Variants in TMEM132D observed in about 807,000 individuals in gnomAD.
The protein encoded by TMEM132D is mature OL transmembrane protein.
In TMEM132D, 21 loss-of-function variants were observed where a neutral mutation model predicts 62.3. The observed-to-expected ratio is 0.34, with a 90% confidence interval of 0.24 to 0.49. TMEM132D has a LOEUF of 0.49. TMEM132D is among the 20% of genes least tolerant of loss of function. The probability of loss-of-function intolerance (pLI) is 0.99; values close to 1 mark genes in which losing one functional copy is unlikely to be tolerated. For synonymous variants in TMEM132D, 621 were observed against 575.6 expected (o/e 1.08, Z -1.13); for missense variants, 1,346 against 1,402.8 (o/e 0.96, Z 0.65).
At chr12:129,377,359 C>T (rs2135684606) in intron 3 of TMEM132D, among the ~76,000 whole-genome samples, 1 of 152,210 alleles carries the variant, frequency 6.6e-6, no homozygotes, top group East Asian at 1.9e-4. Context: ...CCCAAGCAGA[C>T]TCATACAGAA....
intron 1 of TMEM132D, among the ~76,000 whole-genome samples, chr12:129,710,089 T>C (rs1361115713): frequency 1.3e-5 from 2 of 152,256 alleles, no homozygotes; most frequent in East Asian, 3.9e-4. Context: ...ATTTCAGAGA[T>C]AGCACGTATG....
intron 3 of TMEM132D, among the ~76,000 whole-genome samples, chr12:129,394,121 G>T (rs1045022410): frequency 6.6e-6 from 1 of 152,156 alleles, no homozygotes; most frequent in Non-Finnish European, 1.5e-5. Flanking sequence ...ACGTTTTTCA[G>T]CAACAGGCGG....
At chr12:129,862,379 AG>A (rs1423756365) in intron 1 of TMEM132D, among the ~76,000 whole-genome samples, 2 of 152,230 alleles carry the variant, frequency 1.3e-5, no homozygotes, top group Non-Finnish European at 2.9e-5. Flanking sequence ...CCCAGCCTTC[AG>A]GAGCCAAGAG....
intron 5 of TMEM132D, among the ~76,000 whole-genome samples, chr12:129,144,851 T>A (rs370376682): frequency 6.6e-6 from 1 of 152,174 alleles, no homozygotes; most frequent in South Asian, 2.1e-4. Context: ...TATGTATATA[T>A]CTATCATTCA....
chr12:129,750,370 C>T (rs1246768184), intron 1 of TMEM132D, among the ~76,000 whole-genome samples: 2 of 152,208 alleles, frequency 1.3e-5, no homozygotes, highest in Non-Finnish European at 2.9e-5. Flanking sequence ...CAGGCGTGAG[C>T]TACCGCGCCC....
chr12:129,425,945 A>G (rs1286777924), intron 3 of TMEM132D, among the ~76,000 whole-genome samples: 2 of 152,352 alleles, frequency 1.3e-5, no homozygotes, highest in Admixed American at 1.3e-4. Flanking sequence ...GCAGGACAAT[A>G]TGACAAATGG....
chr12:129,827,709 G>A lies in TMEM132D; in HGVS notation c.79+75552C>T, dbSNP rs1333611563. On this transcript the variant is annotated intron_variant, in intron 1 of 8. Coordinates refer to ENST00000422113, the MANE Select transcript of TMEM132D (RefSeq NM_133448.3). This position sits in a 1 kb window ranked among gnomAD's most constrained non-coding sequence, Gnocchi z 9.7. Reference sequence around the variant, plus strand: ...CAAGTGTAAAAAGGTGTCTGAGGAAGTTCTTGTTTGTCACTGGAAGTTAAT... The same window carrying A: ...CAAGTGTAAAAAGGTGTCTGAGGAAATTCTTGTTTGTCACTGGAAGTTAAT... Among the ~76,000 whole-genome samples, 2 of 152,182 alleles carry A rather than the reference G, an allele frequency of 1.3e-5. No homozygotes were observed. The highest frequency in any genetic ancestry group is 6.5e-5 in the Admixed American group (1 of 15,278).
At chr12:129,805,791 C>T (rs1871961059) in intron 1 of TMEM132D, among the ~76,000 whole-genome samples, 1 of 145,872 alleles carries the variant, frequency 6.9e-6, no homozygotes, top group African/African-American at 2.6e-5. Flanking sequence ...GCAACCTACT[C>T]ATCTGACAAA....
rs188192965 is a variant in TMEM132D at position 129,252,603 on chromosome 12, C to G, written c.1300-42940G>C. Among the ~76,000 whole-genome samples the G allele has an allele frequency of 3.7e-3, 571 of 152,310 alleles. 2 individuals are homozygous for G. The highest frequency in any genetic ancestry group is 6.9e-3 in the Non-Finnish European group (468 of 68,026). On this transcript the variant is annotated intron_variant, in intron 4 of 8. Transcript: ENST00000422113. ...TTTACACTGTTGGTGGGACTGTAAA[C>G]TAGTTCGACCATTGTGGAAGTCAGT...
At chr12:129,814,427 G>A (rs1313175998) in intron 1 of TMEM132D, among the ~76,000 whole-genome samples, 2 of 151,922 alleles carry the variant, frequency 1.3e-5, no homozygotes, top group African/African-American at 4.8e-5. Context: ...TGACCAACAT[G>A]TAGAAACCCT....
At chr12:129,767,988 A>G (rs1031253367) in intron 1 of TMEM132D, among the ~76,000 whole-genome samples, 71 of 149,638 alleles carry the variant, frequency 4.7e-4, no homozygotes, top group East Asian at 4.4e-3. Context: ...TTCCCTTTAT[A>G]AAAGCATCAG....
At chr12:129,655,824 C>G (rs989272848) in intron 2 of TMEM132D, among the ~76,000 whole-genome samples, 1 of 152,136 alleles carries the variant, frequency 6.6e-6, no homozygotes. Flanking sequence ...TTGGATAATG[C>G]TATATTATGA....
intron 2 of TMEM132D, among the ~76,000 whole-genome samples, chr12:129,687,266 G>A (rs545017199): frequency 2.6e-5 from 4 of 152,136 alleles, no homozygotes; most frequent in African/African-American, 7.2e-5. Context: ...ATGTGAGGTC[G>A]AATGTATGCA....
rs776229461 is a variant in TMEM132D at position 129,084,713 on chromosome 12, G to A, written c.1444-11C>T. ...ACATCTGTCAGAAACCTGTGAAGAG[G>A]TGAGAGAGAAAAGGGGAGGGAAAGG... On this transcript the variant is annotated splice_polypyrimidine_tract_variant and intron_variant, in intron 5 of 8. Coordinates refer to ENST00000422113, the MANE Select transcript of TMEM132D (RefSeq NM_133448.3). The A allele has an allele frequency of 6.8e-6, 11 of 1,613,208 alleles. No individual in the cohort carries two copies. Among genetic ancestry groups the A allele is most frequent in the Non-Finnish European group, 9.3e-6 (11 of 1,179,576 alleles).
intron 1 of TMEM132D, among the ~76,000 whole-genome samples, chr12:129,799,233 C>G (rs547560639): frequency 1.7e-4 from 26 of 152,180 alleles, no homozygotes; most frequent in Admixed American, 1.6e-3. Context: ...CCACTGCACT[C>G]CAGCCTGGGC....
intron 3 of TMEM132D, among the ~76,000 whole-genome samples, chr12:129,440,763 G>A (rs772961552): frequency 4.0e-5 from 6 of 151,458 alleles, no homozygotes; most frequent in South Asian, 2.1e-4. Flanking sequence ...GGCAAGCTAC[G>A]CAGGATGTAT....
At chr12:129,859,875 TG>T (rs1873837217) in intron 1 of TMEM132D, among the ~76,000 whole-genome samples, 1 of 152,202 alleles carries the variant, frequency 6.6e-6, no homozygotes, top group African/African-American at 2.4e-5. Context: ...GAGCCACTAC[TG>T]GCTTCCTTGC....
At chr12:129,817,800 GT>G (rs1872399832) in intron 1 of TMEM132D, among the ~76,000 whole-genome samples, 1 of 143,800 alleles carries the variant, frequency 7.0e-6, no homozygotes, top group Non-Finnish European at 1.5e-5. Context: ...TTGGGGGTGT[GT>G]GGGGGGGTCT....
chr12:129,137,800 T>C (rs1045503981), intron 5 of TMEM132D, among the ~76,000 whole-genome samples: 1 of 152,164 alleles, frequency 6.6e-6, no homozygotes, highest in Non-Finnish European at 1.5e-5. Context: ...CTAAAGATGG[T>C]GCTGCAGAGA....
Sources: allele counts gnomAD v4.1 joint callset (sites outside exome capture counted in the v4.1 genomes callset), GRCh38; gene constraint gnomAD v4.1.1; non-coding constraint Gnocchi (gnomAD v3.1); transcripts MANE v1.5; gene names NCBI Gene and HGNC (gene_info 2026-07-23, HGNC 2026-07-21).